Variants in CAMTA1 observed in about 807,000 individuals in gnomAD.
The protein encoded by CAMTA1 is calmodulin binding transcription activator 1.
Under a neutral mutation model 170.9 loss-of-function variants are expected in CAMTA1, and 27 were observed. That is an observed-to-expected ratio of 0.16 (90% confidence interval 0.12 to 0.22). The LOEUF (loss-of-function observed/expected upper bound fraction) is 0.22. Among genes scored for constraint, CAMTA1 ranks in the 10% least tolerant of loss-of-function variants. The probability of loss-of-function intolerance (pLI) is 1.00; values close to 1 mark genes in which losing one functional copy is unlikely to be tolerated. For missense variants in CAMTA1, 1,619 were observed against 2,217.2 expected (o/e 0.73, Z 5.42); for synonymous variants, 833 against 891.5 (o/e 0.93, Z 1.17).
chr1:6,786,505 T>A (rs896883130), intron 1 of CAMTA1, among the ~76,000 whole-genome samples: 3 of 152,204 alleles, frequency 2.0e-5, no homozygotes, highest in African/African-American at 7.2e-5. Context: ...TGACCCTTTT[T>A]GCCAGGACAA....
chr1:6,812,281 G>T (rs1179354282), intron 1 of CAMTA1, among the ~76,000 whole-genome samples: 1 of 152,196 alleles, frequency 6.6e-6, no homozygotes, highest in Non-Finnish European at 1.5e-5. Flanking sequence ...GTCCTAGCTT[G>T]TGGCCTTTGC....
intron 5 of CAMTA1, among the ~76,000 whole-genome samples, chr1:7,404,476 G>A (rs562101962): frequency 4.6e-5 from 7 of 152,390 alleles, no homozygotes; most frequent in African/African-American, 1.4e-4. Context: ...TTTTGTGCGG[G>A]CTTCCCGAGG....
chr1:6,852,079 C>T (rs1660612552), intron 3 of CAMTA1, among the ~76,000 whole-genome samples: 1 of 149,596 alleles, frequency 6.7e-6, no homozygotes, highest in Admixed American at 6.7e-5. Flanking sequence ...GTGAGATTGA[C>T]AGCTAATTTC....
intron 3 of CAMTA1, among the ~76,000 whole-genome samples, chr1:6,981,211 A>G (rs1572195243): frequency 6.6e-6 from 1 of 152,204 alleles, no homozygotes; most frequent in Non-Finnish European, 1.5e-5. Flanking sequence ...GAAGAAAAAG[A>G]CATTGGATTC....
chr1:7,421,424 G>C (rs1208572087), intron 5 of CAMTA1, among the ~76,000 whole-genome samples: 2 of 152,186 alleles, frequency 1.3e-5, no homozygotes, highest in African/African-American at 4.8e-5. Context: ...AAAGCACTGG[G>C]ATTATAGGTG....
chr1:6,833,540 C>T (rs1651439615), intron 3 of CAMTA1, among the ~76,000 whole-genome samples: 1 of 152,174 alleles, frequency 6.6e-6, no homozygotes, highest in South Asian at 2.1e-4. Flanking sequence ...TGTTCTCAAG[C>T]AGGTTCTTTT....
At chr1:7,555,594 T>A (rs911210315) in intron 6 of CAMTA1, among the ~76,000 whole-genome samples, 1 of 138,988 alleles carries the variant, frequency 7.2e-6, no homozygotes, top group Admixed American at 7.4e-5. Flanking sequence ...AGGAGCCGAA[T>A]GAGGTCCTGC....
At chr1:7,011,925 G>A (rs74051081) in intron 3 of CAMTA1, among the ~76,000 whole-genome samples, 6,417 of 152,024 alleles carry the variant, frequency 0.042, 452 homozygotes, top group African/African-American at 0.15. Flanking sequence ...ATGTCTCTCC[G>A]CCCCACTCCT....
At chr1:7,627,635 C>G (rs948286342) in intron 6 of CAMTA1, among the ~76,000 whole-genome samples, 2 of 152,190 alleles carry the variant, frequency 1.3e-5, no homozygotes, top group Admixed American at 1.3e-4. Context: ...AACCCAGACT[C>G]GAACCTAAGG....
chr1:7,108,002 T>C (rs1643779490), intron 4 of CAMTA1, among the ~76,000 whole-genome samples: 1 of 152,124 alleles, frequency 6.6e-6, no homozygotes, highest in Non-Finnish European at 1.5e-5. Context: ...TCAGTCCCCA[T>C]GGGACATTTG....
chr1:7,230,968 A>T (rs1336166097), intron 4 of CAMTA1, among the ~76,000 whole-genome samples: 2 of 151,432 alleles, frequency 1.3e-5, no homozygotes, highest in African/African-American at 4.9e-5. Context: ...GTACAGAGGG[A>T]CCCCCCAGGA....
At chr1:7,616,797 A>C (rs2095562112) in intron 6 of CAMTA1, among the ~76,000 whole-genome samples, 1 of 152,232 alleles carries the variant, frequency 6.6e-6, no homozygotes, top group Admixed American at 6.5e-5. Flanking sequence ...GGGTGAGCGC[A>C]GAAGCTGGAG....
chr1:6,843,137 G>T (rs1369009845), intron 3 of CAMTA1, among the ~76,000 whole-genome samples: 1 of 152,174 alleles, frequency 6.6e-6, no homozygotes. Context: ...TTTTCACGTT[G>T]CCTTCTTTAC....
intron 6 of CAMTA1, among the ~76,000 whole-genome samples, chr1:7,602,048 G>GGAGAGGGAGAGGAGA (rs2095449184): frequency 6.7e-6 from 1 of 149,036 alleles, no homozygotes; most frequent in Admixed American, 6.6e-5. Context: ...GGGAGAGGAG[G>GGAGAGGGAGAGGAGA]GAGAGGGAGA....
At chr1:7,098,398 T>C (rs2148212916) in intron 4 of CAMTA1, among the ~76,000 whole-genome samples, 1 of 152,352 alleles carries the variant, frequency 6.6e-6, no homozygotes, top group Non-Finnish European at 1.5e-5. Flanking sequence ...CCAAGGCCAT[T>C]GTTGGCCAAA....
Position 7,532,215 on chromosome 1 carries a change from T to A in CAMTA1, c.510+64314T>A, listed in dbSNP as rs1575837119. ...TCCTGTGTGGCCTTCGGATTCTTGG[T>A]GGAGGGGACATTCTTGCACACTAGT... On this transcript the variant is annotated intron_variant, in intron 6 of 22. Coordinates refer to ENST00000303635, the MANE Select transcript of CAMTA1 (RefSeq NM_015215.4). The surrounding 1 kb of genome is among the most constrained non-coding windows in gnomAD (Gnocchi z 4.2). Among the ~76,000 whole-genome samples, 1 of 152,166 alleles carries A rather than the reference T, an allele frequency of 6.6e-6. No individual in the cohort carries two copies. The highest frequency in any genetic ancestry group is 1.9e-4 in the East Asian group (1 of 5,194).
intron 6 of CAMTA1, among the ~76,000 whole-genome samples, chr1:7,594,344 G>A (rs1250396078): frequency 3.9e-5 from 6 of 152,162 alleles, no homozygotes; most frequent in Non-Finnish European, 7.3e-5. Flanking sequence ...GGGACCAGCC[G>A]GGGTAAAGGC....
intron 5 of CAMTA1, among the ~76,000 whole-genome samples, chr1:7,383,211 G>A (rs1260386083): frequency 2.0e-5 from 3 of 152,006 alleles, no homozygotes; most frequent in South Asian, 2.1e-4. Context: ...GACCTTTGCC[G>A]CAGAAAAGGA....
At chr1:7,199,187 G>A (rs1380895119) in intron 4 of CAMTA1, among the ~76,000 whole-genome samples, 2 of 152,124 alleles carry the variant, frequency 1.3e-5, no homozygotes, top group East Asian at 3.9e-4. Context: ...GAGGACAGGC[G>A]AGGCCTGGGA....
Sources: gnomAD v4.1 joint callset for allele counts (sites outside exome capture counted in the v4.1 genomes callset) on GRCh38, gnomAD v4.1.1 for gene constraint, Gnocchi (gnomAD v3.1) non-coding constraint, MANE v1.5 for transcripts, NCBI Gene and HGNC (gene_info 2026-07-23, HGNC 2026-07-21) for gene names.